Variants in TMTC2 observed in about 807,000 individuals in gnomAD.
The protein encoded by TMTC2 is protein O-mannosyl-transferase TMTC2.
Under a neutral mutation model 82.4 loss-of-function variants are expected in TMTC2, and 43 were observed. That is an observed-to-expected ratio of 0.52 (90% confidence interval 0.41 to 0.67). TMTC2 has a LOEUF of 0.67. Ranked by LOEUF, TMTC2 falls within the 30% of genes least tolerant of loss-of-function variation. TMTC2 has a pLI of 0.00. For missense variants in TMTC2, 919 were observed against 1,012.4 expected (o/e 0.91, Z 1.25); for synonymous variants, 408 against 381.9 (o/e 1.07, Z -0.80).
intron 9 of TMTC2, among the ~76,000 whole-genome samples, chr12:83,043,664 C>T (rs1187599948): frequency 1.3e-5 from 2 of 152,176 alleles, no homozygotes; most frequent in Non-Finnish European, 2.9e-5. Flanking sequence ...GTGAAACTAT[C>T]TCTGTAATCT....
intron 1 of TMTC2, among the ~76,000 whole-genome samples, chr12:82,767,391 G>A (rs961904746): frequency 1.2e-4 from 18 of 152,104 alleles, no homozygotes; most frequent in Admixed American, 6.6e-4. Flanking sequence ...TGAGACCAGC[G>A]TGGGCAACAT....
At chr12:83,082,415 G>A (rs539242314) in intron 11 of TMTC2, among the ~76,000 whole-genome samples, 44 of 152,284 alleles carry the variant, frequency 2.9e-4, no homozygotes, top group African/African-American at 9.9e-4. Flanking sequence ...GATACACACC[G>A]TCCCTAAAGT....
chr12:82,754,156 G>A lies in TMTC2; in HGVS notation c.83+66487G>A, dbSNP rs150714778. On this transcript the variant is annotated intron_variant, in intron 1 of 11. Transcript: ENST00000321196. ...AAGTTGAGAGAAGATCAGGAATAAG[G>A]CATTTCTTATAATAAGAGTAATTGT... 5.4e-3 allele frequency among the ~76,000 whole-genome samples: 821 copies of A among 152,180 alleles called. 6 individuals are homozygous for A. Among genetic ancestry groups the A allele is most frequent in the African/African-American group, 0.019 (784 of 41,518 alleles).
At chr12:83,106,181 A>G (rs905274647) in intron 11 of TMTC2, among the ~76,000 whole-genome samples, 1 of 152,188 alleles carries the variant, frequency 6.6e-6, no homozygotes, top group Non-Finnish European at 1.5e-5. Flanking sequence ...AAAAGATCTA[A>G]TGTCTATTTA....
At chr12:82,873,513 T>C (rs1872325041) in intron 2 of TMTC2, among the ~76,000 whole-genome samples, 1 of 152,172 alleles carries the variant, frequency 6.6e-6, no homozygotes. Context: ...CCCTACATAA[T>C]TGCAATTTTC....
intron 4 of TMTC2, among the ~76,000 whole-genome samples, chr12:82,940,233 T>A (rs1876636778): frequency 6.6e-6 from 1 of 151,922 alleles, no homozygotes; most frequent in African/African-American, 2.4e-5. Context: ...GTCAGGTTGG[T>A]CTCGAACTCC....
intron 3 of TMTC2, among the ~76,000 whole-genome samples, chr12:82,897,643 A>C (rs1348337089): frequency 6.6e-6 from 1 of 152,038 alleles, no homozygotes; most frequent in African/African-American, 2.4e-5. Flanking sequence ...CTCCTCCTCC[A>C]GACTCCAGAG....
intron 1 of TMTC2, among the ~76,000 whole-genome samples, chr12:82,699,351 A>G (rs1057156002): frequency 6.6e-6 from 1 of 152,206 alleles, no homozygotes; most frequent in Non-Finnish European, 1.5e-5. Context: ...TATTTTGAAT[A>G]GGCATTCTGG....
chr12:83,111,696 G>T (rs955230301), intron 11 of TMTC2, among the ~76,000 whole-genome samples: 4 of 152,116 alleles, frequency 2.6e-5, no homozygotes, highest in Non-Finnish European at 4.4e-5. Flanking sequence ...CATGAGACTG[G>T]AGTTTTTGAC....
intron 5 of TMTC2, 40 bp downstream of exon 5, chr12:82,965,149 C>T (rs781231202): frequency 8.1e-6 from 12 of 1,473,474 alleles, no homozygotes; most frequent in Non-Finnish European, 1.1e-5. Flanking sequence ...ATACCTCTTT[C>T]CATATTTGAA....
intron 4 of TMTC2, among the ~76,000 whole-genome samples, chr12:82,956,191 A>G (rs1226969414): frequency 2.6e-5 from 4 of 152,132 alleles, no homozygotes; most frequent in Non-Finnish European, 5.9e-5. Flanking sequence ...AAAGCAACAA[A>G]CTAGTAACTT....
At chr12:83,001,210 A>T (rs1364053000) in intron 8 of TMTC2, among the ~76,000 whole-genome samples, 1 of 152,150 alleles carries the variant, frequency 6.6e-6, no homozygotes, top group Non-Finnish European at 1.5e-5. Context: ...TCTCCTCAGA[A>T]AATAGGATTT....
intron 8 of TMTC2, among the ~76,000 whole-genome samples, chr12:83,014,148 A>G (rs753719352): frequency 6.6e-6 from 1 of 152,092 alleles, no homozygotes; most frequent in African/African-American, 2.4e-5. Context: ...TTATAAGAAT[A>G]CTATTTTTTT....
chr12:83,083,881 G>T (rs570192667), intron 11 of TMTC2, among the ~76,000 whole-genome samples: 1 of 152,342 alleles, frequency 6.6e-6, no homozygotes, highest in East Asian at 1.9e-4. Context: ...AGCACATTGA[G>T]AGGCTGTACT....
At chr12:83,086,941 A>G (rs1883681155) in intron 11 of TMTC2, among the ~76,000 whole-genome samples, 1 of 152,214 alleles carries the variant, frequency 6.6e-6, no homozygotes, top group African/African-American at 2.4e-5. Context: ...CAAATAAGAC[A>G]ACAATGAAGT....
chr12:82,899,160 A>G (rs1235958259), intron 3 of TMTC2, among the ~76,000 whole-genome samples: 1 of 152,146 alleles, frequency 6.6e-6, no homozygotes. Flanking sequence ...TATTAGCTAA[A>G]TAAATGTACA....
intron 2 of TMTC2, among the ~76,000 whole-genome samples, chr12:82,886,503 T>G (rs1873106891): frequency 6.6e-6 from 1 of 152,326 alleles, no homozygotes; most frequent in South Asian, 2.1e-4. Context: ...ACTATGGGTT[T>G]AAGTGAACAA....
In TMTC2 at chr12:82,862,078, C is replaced by T. The variant is rs527366611; in HGVS notation, c.654+4498C>T. On this transcript the variant is annotated intron_variant, in intron 2 of 11. Transcript: ENST00000321196. ...TATGTCAGAAAATAAATTTTCTTGACCTCTCACTAAATGATTGTTTTAGCA... is the reference window on the plus strand; with the variant it reads ...TATGTCAGAAAATAAATTTTCTTGATCTCTCACTAAATGATTGTTTTAGCA... Among the ~76,000 whole-genome samples, 6 of 152,192 alleles carry T rather than the reference C, an allele frequency of 3.9e-5. No homozygotes were observed. In the East Asian group the frequency reaches 1.2e-3, roughly 29 times the overall value.
At chr12:82,986,301 C>A in intron 8 of TMTC2, 1 of 421,322 alleles carries the variant, frequency 2.4e-6, no homozygotes, top group Non-Finnish European at 4.4e-6. Flanking sequence ...CTGTATCTTA[C>A]ATCTTGGTCT....
Sources: allele counts gnomAD v4.1 joint callset (sites outside exome capture counted in the v4.1 genomes callset), GRCh38; gene constraint gnomAD v4.1.1; transcripts MANE v1.5; gene names NCBI Gene and HGNC (gene_info 2026-07-23, HGNC 2026-07-21).